The following PLXNA2 variants were observed in gnomAD, a reference collection of about 807,000 sequenced individuals.
The protein encoded by PLXNA2 is plexin-A2.
A neutral mutation model predicts 193.5 loss-of-function variants in PLXNA2; 91 were observed. That is an observed-to-expected ratio of 0.47 (90% CI 0.40 to 0.56). The LOEUF (loss-of-function observed/expected upper bound fraction) is 0.56, where lower values mean the gene tolerates loss of function less well. PLXNA2 is among the 20% of genes least tolerant of loss of function. The pLI is 0.00. For missense variants in PLXNA2, 1,995 were observed against 2,503.2 expected (o/e 0.80, Z 4.33); for synonymous variants, 997 against 1,027.3 (o/e 0.97, Z 0.56).
At position 208,186,719 on chromosome 1, in the gene PLXNA2, T is replaced by TGTTTTTTG. The variant is rs56057806; in HGVS notation, c.1371+23560_1371+23561insCAAAAAAC. Among the ~76,000 whole-genome samples the TGTTTTTTG allele has an allele frequency of 1.3e-3, 180 of 133,752 alleles. 1 individual carries two copies. Among genetic ancestry groups the TGTTTTTTG allele is most frequent in the Middle Eastern group, 3.6e-3 (1 of 274 alleles). The allele number at this position is 133,752 out of a possible 152,430, so 87.7% of individuals were successfully genotyped here. On this transcript the variant is annotated intron_variant, in intron 3 of 31. Transcript: ENST00000367033. ...GGAATTGCAATGTTATTTTATTTTT[T>TGTTTTTTG]TTTTTTTTTTTGAGACGGAGTCTCG... is the stretch of plus-strand genomic sequence containing the variant.
rs377689811 is a variant in PLXNA2, at chr1:208,226,252, C to G, written c.-80-8250G>C. Among the ~76,000 whole-genome samples the G allele has an allele frequency of 4.6e-5, 7 of 152,260 alleles. No homozygotes were observed. The East Asian group carries it at 1.2e-3, about 25-fold the overall frequency. On this transcript the variant is annotated intron_variant, in intron 1 of 31. Transcript: ENST00000367033. ...GAGTGAATCTGCCACTTGCCAGACC[C>G]CAAGGAGAGATCTCTCTCACTCCCA...
intron 4 of PLXNA2, among the ~76,000 whole-genome samples, chr1:208,116,620 G>A (rs968004926): frequency 1.3e-5 from 2 of 152,160 alleles, no homozygotes; most frequent in South Asian, 4.1e-4. Flanking sequence ...AGGGTCAGAA[G>A]AACGTAGCTC....
intron 3 of PLXNA2, among the ~76,000 whole-genome samples, chr1:208,190,898 G>C (rs1360850346): frequency 6.6e-6 from 1 of 152,182 alleles, no homozygotes; most frequent in African/African-American, 2.4e-5. Flanking sequence ...AACCTTTGGT[G>C]GCAGGAGTAC....
chr1:208,073,504 T>C (rs930279730), intron 12 of PLXNA2, among the ~76,000 whole-genome samples: 3 of 152,208 alleles, frequency 2.0e-5, no homozygotes, highest in Admixed American at 6.5e-5. Flanking sequence ...AAGCCCAGCA[T>C]AGTTCATGGC....
rs184791257 is a variant in PLXNA2, at chr1:208,115,853, A to C, written c.1507-12606T>G. Among the ~76,000 whole-genome samples the C allele has an allele frequency of 2.6e-4, 39 of 152,342 alleles. 1 individual carries two copies. The East Asian group carries it at 7.1e-3, about 28-fold the overall frequency. On this transcript the variant is annotated intron_variant, in intron 4 of 31. Transcript: ENST00000367033. Reference sequence around the variant, plus strand: ...AGGCTTTCAAGAGTCAGTGTTTTGTACCAATAATACAAAACACAGTTTCTT... The same window carrying C: ...AGGCTTTCAAGAGTCAGTGTTTTGTCCCAATAATACAAAACACAGTTTCTT...
intron 3 of PLXNA2, among the ~76,000 whole-genome samples, chr1:208,143,545 GTGCCCCATCC>G (rs1037379925): frequency 1.3e-5 from 2 of 152,172 alleles, no homozygotes; most frequent in African/African-American, 4.8e-5. Context: ...TGGTCTGAAT[GTGCCCCATCC>G]CCAGTTTTTC....
chr1:208,137,971 G>T (rs909804222), intron 4 of PLXNA2, among the ~76,000 whole-genome samples: 4 of 152,122 alleles, frequency 2.6e-5, no homozygotes, highest in Non-Finnish European at 4.4e-5. Flanking sequence ...GAACAGAGAG[G>T]CAAGGGTTGG....
rs1664306277 is a variant in PLXNA2, at chr1:208,025,192, A to T, written c.*2051T>A. ...ATTTGTCAGCCGCATTCAGGCAAGA[A>T]ACTAGAGCTGGGGAGACCGGGCAAC... On this transcript the variant is annotated 3_prime_UTR_variant, in exon 32 of 32. Transcript: ENST00000367033. 6.6e-6 allele frequency: 1 copy of T among 152,638 alleles called. No homozygotes were observed. Among genetic ancestry groups the T allele is most frequent in the Admixed American group, 6.5e-5 (1 of 15,280 alleles). The allele number at this position is 152,638 out of a possible 1,614,324, so 9.5% of individuals were successfully genotyped here.
chr1:208,229,700 T>C (rs1383983298), intron 1 of PLXNA2, among the ~76,000 whole-genome samples: 2 of 152,200 alleles, frequency 1.3e-5, no homozygotes, highest in Middle Eastern at 3.2e-3. Context: ...CTTTGAAGAA[T>C]GTATAATCTA....
At chr1:208,185,709 A>AAAT (rs1669973181) in intron 3 of PLXNA2, among the ~76,000 whole-genome samples, 1 of 134,050 alleles carries the variant, frequency 7.5e-6, no homozygotes. Context: ...AAAAAAAAAA[A>AAAT]AAAAAAAAAG....
intron 3 of PLXNA2, among the ~76,000 whole-genome samples, chr1:208,176,487 G>A (rs1185379183): frequency 6.6e-6 from 1 of 152,174 alleles, no homozygotes; most frequent in Non-Finnish European, 1.5e-5. Flanking sequence ...GAGTTAGGTA[G>A]GTACAGGTTG....
chr1:208,236,261 G>A lies in PLXNA2; in HGVS notation c.-81+7382C>T, dbSNP rs1671847852. 6.6e-6 allele frequency among the ~76,000 whole-genome samples: 1 copy of A among 152,114 alleles called. No homozygotes were observed. Among genetic ancestry groups the A allele is most frequent in the South Asian group, 2.1e-4 (1 of 4,818 alleles). On this transcript the variant is annotated intron_variant, in intron 1 of 31. Transcript: ENST00000367033. This position sits in a 1 kb window ranked among gnomAD's most constrained non-coding sequence, Gnocchi z 4.4. ...TGGCTCTTCTCCTTCAGGTATTTTTGTTCCTCAGGAGAAAAAAATGGGAAA... is the reference window on the plus strand; with the variant it reads ...TGGCTCTTCTCCTTCAGGTATTTTTATTCCTCAGGAGAAAAAAATGGGAAA...
At chr1:208,197,922 T>A (rs1330926320) in intron 3 of PLXNA2, among the ~76,000 whole-genome samples, 1 of 152,112 alleles carries the variant, frequency 6.6e-6, no homozygotes, top group Admixed American at 6.5e-5. Flanking sequence ...AAAGGCCCAA[T>A]ACAAATATAG....
chr1:208,189,965 G>A (rs181853131), intron 3 of PLXNA2, among the ~76,000 whole-genome samples: 1 of 152,304 alleles, frequency 6.6e-6, no homozygotes, highest in East Asian at 1.9e-4. Context: ...CCAGCCAAAA[G>A]TGTGGTTGTA....
chr1:208,050,964 A>C, intron 17 of PLXNA2, 45 bp downstream of exon 17: 8 of 1,392,520 alleles, frequency 5.7e-6, no homozygotes, highest in Non-Finnish European at 8.2e-6. Flanking sequence ...ACATCAACAC[A>C]GAGCTGTGTT....
chr1:208,168,723 GGTTTTTTTTT>G lies in PLXNA2; in HGVS notation c.1372-26270_1372-26261del, dbSNP rs1327847556. Among the ~76,000 whole-genome samples the G allele has an allele frequency of 1.6e-3, 160 of 102,244 alleles. 16 individuals carry two copies. In the South Asian group the frequency reaches 0.056, roughly 36 times the overall value. The allele number at this position is 102,244 out of a possible 152,430, so 67.1% of individuals were successfully genotyped here. A position where few individuals can be genotyped will look rare whatever the true frequency, so the allele number is the denominator to read the frequency against. On this transcript the variant is annotated intron_variant, in intron 3 of 31. Coordinates refer to ENST00000367033, the MANE Select transcript of PLXNA2 (RefSeq NM_025179.4). ...CAAAAAGAAGACAAAGAGTATGCGG[GGTTTTTTTTT>G]TTTTTTTTTTTTTTTTTTAGAATGA...
At chr1:208,188,987 A>G (rs143730073) in intron 3 of PLXNA2, among the ~76,000 whole-genome samples, 1 of 152,298 alleles carries the variant, frequency 6.6e-6, no homozygotes, top group East Asian at 1.9e-4. Context: ...TTAGGATGGA[A>G]AGGACCTGGT....
chr1:208,093,408 G>A (rs1182747860), intron 8 of PLXNA2, among the ~76,000 whole-genome samples: 2 of 152,174 alleles, frequency 1.3e-5, no homozygotes, highest in Non-Finnish European at 2.9e-5. Flanking sequence ...TGCCACTGGG[G>A]TCACACTGAG....
chr1:208,037,262 ACT>A (rs1664698398), intron 26 of PLXNA2, among the ~76,000 whole-genome samples: 2 of 152,024 alleles, frequency 1.3e-5, no homozygotes, highest in Non-Finnish European at 2.9e-5. Flanking sequence ...ATTACACCAC[ACT>A]CATGTCCTCT....
Sources: gnomAD v4.1 joint callset for allele counts (sites outside exome capture counted in the v4.1 genomes callset) on GRCh38, gnomAD v4.1.1 for gene constraint, Gnocchi (gnomAD v3.1) non-coding constraint, MANE v1.5 for transcripts, NCBI Gene and HGNC (gene_info 2026-07-23, HGNC 2026-07-21) for gene names.